Variants in NCAM2 observed in about 807,000 individuals in gnomAD.
The protein encoded by NCAM2 is neural cell adhesion molecule 2.
A neutral mutation model predicts 98.1 loss-of-function variants in NCAM2; 30 were observed. The ratio of observed to expected loss-of-function variants is 0.31; its 90% CI spans 0.23 to 0.41. The LOEUF (loss-of-function observed/expected upper bound fraction) is 0.41. NCAM2 is among the 10% of genes least tolerant of loss of function. The pLI is 1.00. For synonymous variants in NCAM2, 368 were observed against 342.4 expected (o/e 1.07, Z -0.83); for missense variants, 867 against 1,005.8 (o/e 0.86, Z 1.87).
At chr21:21,084,535 TAAGTA>T (rs1159234332) in intron 1 of NCAM2, among the ~76,000 whole-genome samples, 1 of 152,206 alleles carries the variant, frequency 6.6e-6, no homozygotes, top group Non-Finnish European at 1.5e-5. Flanking sequence ...AAATGTTATA[TAAGTA>T]GAGTCAAACA....
At chr21:21,405,709 G>GT (rs5842920) in intron 9 of NCAM2, among the ~76,000 whole-genome samples, 152,251 of 152,252 alleles carry the variant, frequency 1, 76,125 homozygotes, top group Non-Finnish European at 1. Flanking sequence ...GTGCTAGGGA[G>GT]ACAATTTTGA....
intron 1 of NCAM2, among the ~76,000 whole-genome samples, chr21:21,035,122 A>G (rs1045811416): frequency 7.9e-5 from 12 of 152,162 alleles, no homozygotes; most frequent in Non-Finnish European, 1.6e-4. Context: ...GGACTTTATA[A>G]GGGAATTGTA....
At chr21:21,443,221 A>T (rs1447803950) in intron 12 of NCAM2, among the ~76,000 whole-genome samples, 1 of 152,168 alleles carries the variant, frequency 6.6e-6, no homozygotes, top group Non-Finnish European at 1.5e-5. Context: ...GTGGGAGTTG[A>T]ACAATGAGAA....
chr21:21,155,593 G>A (rs2067586235), intron 1 of NCAM2, among the ~76,000 whole-genome samples: 1 of 151,926 alleles, frequency 6.6e-6, no homozygotes, highest in Admixed American at 6.6e-5. Flanking sequence ...ATGTTATAAT[G>A]TAATCTTGGA....
chr21:21,275,478 T>A, intron 1 of NCAM2, among the ~76,000 whole-genome samples: 1 of 151,328 alleles, frequency 6.6e-6, no homozygotes, highest in East Asian at 1.9e-4. Context: ...AAAAGAAAAA[T>A]AAAAAATAAA....
chr21:21,496,021 T>TTC, intron 15 of NCAM2, among the ~76,000 whole-genome samples: 1 of 148,380 alleles, frequency 6.7e-6, no homozygotes, highest in African/African-American at 2.4e-5. Context: ...ATATATAATA[T>TTC]ATAAAATATA....
intron 5 of NCAM2, among the ~76,000 whole-genome samples, chr21:21,293,088 A>G (rs2073353693): frequency 6.6e-6 from 1 of 151,888 alleles, no homozygotes; most frequent in Non-Finnish European, 1.5e-5. Context: ...ACCTCCCACC[A>G]GTTCCTTCCC....
chr21:21,113,639 C>T (rs866903988), intron 1 of NCAM2, among the ~76,000 whole-genome samples: 112 of 151,960 alleles, frequency 7.4e-4, no homozygotes, highest in African/African-American at 2.3e-3. Flanking sequence ...TTTCCAAAAA[C>T]GCACAAAGTG....
At chr21:21,413,008 G>T (rs1345080818) in intron 10 of NCAM2, among the ~76,000 whole-genome samples, 1 of 152,008 alleles carries the variant, frequency 6.6e-6, no homozygotes, top group East Asian at 1.9e-4. Flanking sequence ...TTGTTTTAAA[G>T]ATTTTTTCTT....
chr21:21,206,383 A>G (rs2069438580), intron 1 of NCAM2, among the ~76,000 whole-genome samples: 2 of 152,176 alleles, frequency 1.3e-5, no homozygotes, highest in Non-Finnish European at 2.9e-5. Flanking sequence ...TTAGTTGTGT[A>G]TGGAAGAATA....
intron 1 of NCAM2, among the ~76,000 whole-genome samples, chr21:21,010,100 T>A (rs2064181167): frequency 6.6e-6 from 1 of 152,084 alleles, no homozygotes; most frequent in African/African-American, 2.4e-5. Flanking sequence ...GAAACACAGT[T>A]TGCAATTAAA....
intron 1 of NCAM2, among the ~76,000 whole-genome samples, chr21:21,157,319 T>C (rs1312505922): frequency 6.6e-6 from 1 of 152,178 alleles, no homozygotes; most frequent in African/African-American, 2.4e-5. Context: ...GCAATACCTT[T>C]GAACATTTTT....
chr21:21,468,940 T>A (rs2212629), intron 14 of NCAM2, among the ~76,000 whole-genome samples, 157 bp downstream of exon 14: 79,933 of 151,678 alleles, frequency 0.53, 21,965 homozygotes, highest in African/African-American at 0.59. Flanking sequence ...ATTGTGATTT[T>A]TTTTTATTTT....
At chr21:21,225,810 A>G (rs144830499) in intron 1 of NCAM2, among the ~76,000 whole-genome samples, 2 of 152,228 alleles carry the variant, frequency 1.3e-5, no homozygotes, top group African/African-American at 4.8e-5. Context: ...GAATTAATGA[A>G]CATACTTATC....
At chr21:21,436,656 G>T (rs183096412) in intron 12 of NCAM2, among the ~76,000 whole-genome samples, 1 of 152,204 alleles carries the variant, frequency 6.6e-6, no homozygotes, top group East Asian at 1.9e-4. Context: ...GAAATTTGGT[G>T]GAGGTAGGAG....
In NCAM2 at chr21:21,499,142, G is replaced by A. The variant is rs140663508; in HGVS notation, c.2078-9709G>A. Among the ~76,000 whole-genome samples, 722 of 152,298 alleles carry A rather than the reference G, an allele frequency of 4.7e-3. 3 individuals are homozygous for A. The highest frequency in any genetic ancestry group is 0.017 in the African/African-American group (693 of 41,570). ...ATAATATTAAAATTTTTAAAAACTT[G>A]TTGATTCTGGCCACAGTAAAATGCG... On this transcript the variant is annotated intron_variant, in intron 15 of 17. Transcript: ENST00000400546.
intron 1 of NCAM2, among the ~76,000 whole-genome samples, chr21:21,228,585 A>G (rs1050051935): frequency 2.0e-5 from 3 of 151,576 alleles, no homozygotes; most frequent in African/African-American, 7.2e-5. Context: ...GAAGTATTCA[A>G]ATATTAAATA....
At chr21:21,491,432 A>G (rs908316542) in intron 15 of NCAM2, among the ~76,000 whole-genome samples, 15 of 151,836 alleles carry the variant, frequency 9.9e-5, no homozygotes, top group African/African-American at 3.6e-4. Flanking sequence ...TTGGGCACCA[A>G]ATGAATAAAG....
Position 20,998,479 on chromosome 21 carries a change from A to T in NCAM2, c.-85A>T. On this transcript the variant is annotated 5_prime_UTR_variant, in exon 1 of 18. Coordinates refer to ENST00000400546, the MANE Select transcript of NCAM2 (RefSeq NM_004540.5). ...CGGGAGCGGCGGCGGCGGCTCTAGC[A>T]GAGGCGGCCGGGGCAGCGAAAGGTT... 1 of 1,409,190 alleles carries T rather than the reference A, an allele frequency of 7.1e-7. No individual in the cohort carries two copies. Among genetic ancestry groups the T allele is most frequent in the Non-Finnish European group, 9.8e-7 (1 of 1,022,602 alleles). 87.3% of individuals were successfully genotyped at this position (1,409,190 alleles called of 1,614,324 possible).
Sources: allele counts gnomAD v4.1 joint callset (sites outside exome capture counted in the v4.1 genomes callset), GRCh38; gene constraint gnomAD v4.1.1; transcripts MANE v1.5; gene names NCBI Gene and HGNC (gene_info 2026-07-23, HGNC 2026-07-21).